Variants in CATSPERE observed in about 807,000 individuals in gnomAD.
The protein encoded by CATSPERE is cation channel sperm-associated auxiliary subunit epsilon.
A neutral mutation model predicts 114.1 loss-of-function variants in CATSPERE; 93 were observed. That is an observed-to-expected ratio of 0.81 (90% CI 0.69 to 0.97). The LOEUF (loss-of-function observed/expected upper bound fraction) is 0.97, where lower values mean the gene tolerates loss of function less well. CATSPERE is among the 50% of genes least tolerant of loss of function. The pLI is 0.00. For synonymous variants in CATSPERE, 341 were observed against 384.1 expected (o/e 0.89, Z 1.31); for missense variants, 1,058 against 1,131.6 (o/e 0.93, Z 0.93).
At chr1:244,582,194 T>G (rs1362024894) in intron 12 of CATSPERE, among the ~76,000 whole-genome samples, 1 of 152,138 alleles carries the variant, frequency 6.6e-6, no homozygotes, top group Non-Finnish European at 1.5e-5. Context: ...AAATAAGAAC[T>G]CTGATATCAC....
chr1:244,472,163 G>A (rs939544171), intron 2 of CATSPERE, among the ~76,000 whole-genome samples: 1 of 152,072 alleles, frequency 6.6e-6, no homozygotes, highest in Non-Finnish European at 1.5e-5. Flanking sequence ...GTCTTACTAT[G>A]TTGCCCTGGC....
rs778347779 is a variant in CATSPERE at position 244,639,917 on chromosome 1, T to C, written c.2703-11T>C. The C allele has an allele frequency of 1.0e-4, 150 of 1,488,070 alleles. No homozygotes were observed. The highest frequency in any genetic ancestry group is 1.3e-4 in the Non-Finnish European group (144 of 1,125,354). The allele number at this position is 1,488,070 out of a possible 1,614,324, so 92.2% of individuals were successfully genotyped here. A position where few individuals can be genotyped will look rare whatever the true frequency, so the allele number is the denominator to read the frequency against. On this transcript the variant is annotated splice_polypyrimidine_tract_variant and intron_variant, in intron 21 of 21. Transcript: ENST00000366534. ...ACTTCTAATGCCTTTTTTTTTTTTT[T>C]CTGATTTCAGTCCAAGTGTCTACCT...
chr1:244,610,802 C>T (rs1401654448), intron 19 of CATSPERE, among the ~76,000 whole-genome samples: 1 of 149,218 alleles, frequency 6.7e-6, no homozygotes, highest in East Asian at 2.0e-4. Context: ...GCCTAGGCTG[C>T]TAAGCTGGAG....
intron 8 of CATSPERE, among the ~76,000 whole-genome samples, chr1:244,535,721 C>T (rs1254570169): frequency 6.6e-6 from 1 of 152,042 alleles, no homozygotes; most frequent in African/African-American, 2.4e-5. Flanking sequence ...GAACCAATGC[C>T]GGGAACTGGG....
chr1:244,487,814 C>T (rs558660835), intron 5 of CATSPERE, among the ~76,000 whole-genome samples: 8 of 152,236 alleles, frequency 5.3e-5, no homozygotes, highest in Admixed American at 3.9e-4. Context: ...TGTACGGGAG[C>T]CAAAACCCCT....
At chr1:244,501,758 A>G (rs1335428631) in intron 7 of CATSPERE, among the ~76,000 whole-genome samples, 1 of 152,220 alleles carries the variant, frequency 6.6e-6, no homozygotes, top group Non-Finnish European at 1.5e-5. Context: ...ATCCATGATG[A>G]TATAATTTTA....
rs1663935973 is a variant in CATSPERE at position 244,568,484 on chromosome 1, G to GTTT, written c.1508-3844_1508-3842dup. Among the ~76,000 whole-genome samples the GTTT allele has an allele frequency of 6.6e-6, 1 of 152,230 alleles. No homozygotes were observed. Among genetic ancestry groups the GTTT allele is most frequent in the Non-Finnish European group, 1.5e-5 (1 of 68,024 alleles). Reference sequence around the variant, plus strand: ...GGTGCTCTGTCCCAGGGAGATGAGGGTTTTATCTATAAGCCCCTGAGTGGG... The same window carrying GTTT: ...GGTGCTCTGTCCCAGGGAGATGAGGGTTTTTTTATCTATAAGCCCCTGAGTGGG... On this transcript the variant is annotated intron_variant, in intron 10 of 21. Transcript: ENST00000366534. This position sits in a 1 kb window ranked among gnomAD's most constrained non-coding sequence, Gnocchi z 4.4.
intron 11 of CATSPERE, among the ~76,000 whole-genome samples, chr1:244,579,766 A>G (rs545367088): frequency 3.9e-5 from 6 of 152,342 alleles, no homozygotes; most frequent in Admixed American, 2.0e-4. Flanking sequence ...CTACCAAATG[A>G]CACTGAACAA....
intron 5 of CATSPERE, among the ~76,000 whole-genome samples, chr1:244,481,320 G>A (rs989534766): frequency 7.9e-5 from 12 of 151,862 alleles, no homozygotes; most frequent in South Asian, 2.1e-4. Context: ...ATGTGGTGGC[G>A]GGCGCCTGTA....
chr1:244,471,252 A>G (rs753987406), intron 2 of CATSPERE, among the ~76,000 whole-genome samples: 2 of 152,216 alleles, frequency 1.3e-5, no homozygotes, highest in African/African-American at 4.8e-5. Flanking sequence ...GTCATCAAAT[A>G]TCTAGTCAGT....
chr1:244,487,389 G>A (rs1671270128), intron 5 of CATSPERE, among the ~76,000 whole-genome samples: 1 of 152,120 alleles, frequency 6.6e-6, no homozygotes, highest in Non-Finnish European at 1.5e-5. Flanking sequence ...GGGGTCTGAG[G>A]TAGTCAAGCC....
intron 8 of CATSPERE, among the ~76,000 whole-genome samples, chr1:244,524,047 A>G (rs1412282920): frequency 2.0e-5 from 3 of 151,628 alleles, no homozygotes; most frequent in African/African-American, 7.3e-5. Context: ...CTAAGCCAAA[A>G]GAACAAAGCT....
chr1:244,634,079 G>A, intron 20 of CATSPERE, among the ~76,000 whole-genome samples: 1 of 152,086 alleles, frequency 6.6e-6, no homozygotes, highest in East Asian at 1.9e-4. Context: ...GCCCAGGCTG[G>A]TCTCCAACTC....
At chr1:244,508,983 AC>A (rs1186153449) in intron 7 of CATSPERE, among the ~76,000 whole-genome samples, 14 of 124,294 alleles carry the variant, frequency 1.1e-4, no homozygotes, top group African/African-American at 6.2e-4. Context: ...CCCTTCCCCC[AC>A]CAAAAAAAAA....
At chr1:244,608,952 G>C (rs527570169) in intron 18 of CATSPERE, among the ~76,000 whole-genome samples, 1 of 152,100 alleles carries the variant, frequency 6.6e-6, no homozygotes, top group Non-Finnish European at 1.5e-5. Context: ...ACTTTGGGAG[G>C]CTGAGGCAGG....
At chr1:244,632,517 C>A (rs1216735542) in intron 20 of CATSPERE, among the ~76,000 whole-genome samples, 1 of 151,096 alleles carries the variant, frequency 6.6e-6, no homozygotes, top group Non-Finnish European at 1.5e-5. Flanking sequence ...GGATTAGAAG[C>A]ATAGTGTTTT....
At chr1:244,528,499 A>T (rs3005931) in intron 8 of CATSPERE, among the ~76,000 whole-genome samples, 19,534 of 152,030 alleles carry the variant, frequency 0.13, 2,186 homozygotes, top group African/African-American at 0.3. Context: ...TTAAATTTTT[A>T]AATTTTTAAT....
chr1:244,621,252 TATAG>T (rs10536585), intron 20 of CATSPERE, among the ~76,000 whole-genome samples: 20 of 42,674 alleles, frequency 4.7e-4, no homozygotes, highest in South Asian at 1.8e-3. Flanking sequence ...GATATATTTA[TATAG>T]ATATATTTAT....
chr1:244,600,622 T>C (rs562502040), intron 17 of CATSPERE, among the ~76,000 whole-genome samples: 1 of 152,138 alleles, frequency 6.6e-6, no homozygotes. Flanking sequence ...AGCAAACCCC[T>C]TGAAACAAAG....
Sources: gnomAD v4.1 joint callset for allele counts (sites outside exome capture counted in the v4.1 genomes callset) on GRCh38, gnomAD v4.1.1 for gene constraint, Gnocchi (gnomAD v3.1) non-coding constraint, MANE v1.5 for transcripts, NCBI Gene and HGNC (gene_info 2026-07-23, HGNC 2026-07-21) for gene names.